Variants in DUSP2 observed in about 807,000 individuals in gnomAD.
DUSP2 encodes the protein dual specificity phosphatase 2.
Under a neutral mutation model 23.3 loss-of-function variants are expected in DUSP2, and 20 were observed. The ratio of observed to expected loss-of-function variants is 0.86; its 90% CI spans 0.60 to 1.25. The LOEUF (loss-of-function observed/expected upper bound fraction) is 1.25. Ranked by LOEUF, DUSP2 falls within the 50% of genes most tolerant of loss-of-function variation. The pLI, the probability that DUSP2 is intolerant of heterozygous loss-of-function variation, is 0.00. For synonymous variants in DUSP2, 231 were observed against 209.7 expected (o/e 1.10, Z -0.88); for missense variants, 435 against 452.6 (o/e 0.96, Z 0.35).
chr2:96,144,982 C>A lies in DUSP2; in HGVS notation c.373G>T (p.Val125Leu). The change falls in exon 1 of 4, where the codon GTG (valine) becomes TTG (leucine). Residue 125 changes from valine to leucine, a missense_variant. Transcript: ENST00000288943. ...GCTTGCTCACCTCGCAGGAAGTACA[C>A]GGCAGTGGGCCCCGCGCGGGTCTCG... The part of the protein sequence containing the change: ...LHETRAGPTA[V>L]YFLRGGFDGF... 6.5e-7 allele frequency: 1 copy of A among 1,545,092 alleles called. No individual in the cohort carries two copies. Among genetic ancestry groups the A allele is most frequent in the Non-Finnish European group, 8.7e-7 (1 of 1,150,120 alleles).
rs1250135804 is a variant in DUSP2, at chr2:96,145,375, C to T, written c.-21G>A. 1 of 1,382,342 alleles carries T rather than the reference C, an allele frequency of 7.2e-7. No individual in the cohort carries two copies. Among genetic ancestry groups the T allele is most frequent in the South Asian group, 1.7e-5 (1 of 58,714 alleles). 85.6% of individuals were successfully genotyped at this position (1,382,342 alleles called of 1,614,324 possible). ...CCCATGGCCACCGGTGCCTCTTCCT[C>T]TTCCTTTCGGTCTTTCCCGCGTCCC... On this transcript the variant is annotated 5_prime_UTR_variant, in exon 1 of 4. Coordinates refer to ENST00000288943, the MANE Select transcript of DUSP2 (RefSeq NM_004418.4).
Position 96,143,909 on chromosome 2 carries a change from C to A in DUSP2, c.859G>T (p.Val287Phe), listed in dbSNP as rs201899099. The A allele has an allele frequency of 1.9e-6, 3 of 1,613,806 alleles. No individual in the cohort carries two copies. The highest frequency in any genetic ancestry group is 2.5e-6 in the Non-Finnish European group (3 of 1,180,024). Residue 287 changes from valine to phenylalanine, a missense_variant, in exon 4 of 4, where the codon GTT becomes TTT. Val to Phe is a conservative substitution (Grantham distance 50). Transcript: ENST00000288943. ...RVRLDEAFDF[V>F]KQRRGVISPN... ...GAGATGACCCCCCGGCGCTGCTTAA[C>A]GAAGTCAAAGGCCTCGTCCAGCCGC... is the stretch of plus-strand genomic sequence containing the variant.
chr2:96,145,172 G>C lies in DUSP2; in HGVS notation c.183C>G (p.Gly61=). ...WNALLRRRAR[G]PPAAVLACLL... is the part of the protein sequence containing the mutation. The stretch of plus-strand genomic sequence containing the variant: ...GGCAGGCGAGAACGGCGGCAGGAGG[G>C]CCGCGCGCGCGGCGCCGCAGCAGCG... The change falls in exon 1 of 4, where the codon GGC becomes GGG. Residue 61 remains glycine, a synonymous_variant. Transcript: ENST00000288943. 2 of 1,292,664 alleles carry C rather than the reference G, an allele frequency of 1.5e-6. No homozygotes were observed. The highest frequency in any genetic ancestry group is 2.0e-6 in the Non-Finnish European group (2 of 1,025,418). 80.1% of individuals were successfully genotyped at this position (1,292,664 alleles called of 1,614,324 possible).
chr2:96,144,816 G>T lies in DUSP2; in HGVS notation c.455C>A (p.Pro152Gln), dbSNP rs761126265. The change falls in exon 2 of 4, where the codon CCG becomes CAG. Residue 152 changes from proline to glutamine, a missense_variant. By Grantham distance (76) the Pro-to-Gln change is moderately conservative (BLOSUM62 -1). Coordinates refer to ENST00000288943, the MANE Select transcript of DUSP2 (RefSeq NM_004418.4). Reference sequence around the variant, plus strand: ...GCGGCTGGTTTTGTCCCCTGTTGGCGGCAGCGCAGGGGCGGGGGCCTCAGA... The same window carrying T: ...GCGGCTGGTTTTGTCCCCTGTTGGCTGCAGCGCAGGGGCGGGGGCCTCAGA... ...LCSEAPAPAL[P>Q]PTGDKTSRSD... 1.9e-6 allele frequency: 3 copies of T among 1,572,550 alleles called. No individual in the cohort carries two copies. The South Asian group carries it at 3.5e-5, about 18-fold the overall frequency.
rs749118400 is a variant in DUSP2, at chr2:96,143,890, A to AC, written c.877dup (p.Val293GlyfsTer16). On this transcript the variant is annotated frameshift_variant, in exon 4 of 4. Coordinates refer to ENST00000288943, the MANE Select transcript of DUSP2 (RefSeq NM_004418.4). LOFTEE classifies it high-confidence loss of function. ...CATGAAACTGAAGTTGGGGGAGATG[A>AC]CCCCCCGGCGCTGCTTAACGAAGTC... 6 of 1,612,576 alleles carry AC rather than the reference A, an allele frequency of 3.7e-6. No individual in the cohort carries two copies. In the South Asian group the frequency reaches 4.4e-5, roughly 12 times the overall value.
In DUSP2 at chr2:96,144,266, G is replaced by T. The variant is rs757557678; in HGVS notation, c.618C>A (p.Ser206=). 4 of 1,613,840 alleles carry T rather than the reference G, an allele frequency of 2.5e-6. No individual in the cohort carries two copies. Among genetic ancestry groups the T allele is most frequent in the South Asian group, 1.1e-5 (1 of 91,096 alleles). Residue 206 remains serine, a synonymous_variant, in exon 3 of 4, where the codon TCC becomes TCA. Coordinates refer to ENST00000288943, the MANE Select transcript of DUSP2 (RefSeq NM_004418.4). ...ACGITAVLNV[S]ASCPNHFEGL... ...CCTCAAAGTGGTTGGGGCAGCTGGCGGACACGTTGAGGACGGCTGTGATGC... is the reference window on the plus strand; with the variant it reads ...CCTCAAAGTGGTTGGGGCAGCTGGCTGACACGTTGAGGACGGCTGTGATGC...
chr2:96,145,344 TC>T lies in DUSP2; in HGVS notation c.10del (p.Glu4ArgfsTer237). Reference protein sequence around the residue: MGLEAARELECAAL... With the variant: MGLXAARELECAAL... ...CGCGCACTCCAGCTCGCGCGCCGCC[TC>T]CAGCCCCATGGCCACCGGTGCCTCT... is the stretch of plus-strand genomic sequence containing the variant. On this transcript the variant is annotated frameshift_variant, in exon 1 of 4. Coordinates refer to ENST00000288943, the MANE Select transcript of DUSP2 (RefSeq NM_004418.4). LOFTEE classifies it high-confidence loss of function. 7.1e-7 allele frequency: 1 copy of T among 1,414,210 alleles called. No homozygotes were observed. Among genetic ancestry groups the T allele is most frequent in the Admixed American group, 2.8e-5 (1 of 36,236 alleles). The allele number at this position is 1,414,210 out of a possible 1,614,324, so 87.6% of individuals were successfully genotyped here.
chr2:96,145,163 G>A lies in DUSP2; in HGVS notation c.192C>T (p.Ala64=), dbSNP rs1402822456. ...CGGGCAGCAGGCAGGCGAGAACGGC[G>A]GCAGGAGGGCCGCGCGCGCGGCGCC... ...LLRRRARGPP[A]AVLACLLPDR... is the part of the protein sequence containing the mutation. Residue 64 remains alanine, a synonymous_variant, in exon 1 of 4, where the codon GCC becomes GCT. Transcript: ENST00000288943. 2 of 1,302,440 alleles carry A rather than the reference G, an allele frequency of 1.5e-6. No homozygotes were observed. Among genetic ancestry groups the A allele is most frequent in the South Asian group, 2.3e-5 (1 of 43,422 alleles). The allele number at this position is 1,302,440 out of a possible 1,614,324, so 80.7% of individuals were successfully genotyped here.
Position 96,143,440 on chromosome 2 carries a change from C to A in DUSP2, c.*383G>T, listed in dbSNP as rs1359234261. The A allele has an allele frequency of 9.6e-6, 2 of 208,960 alleles. No individual in the cohort carries two copies. Among genetic ancestry groups the A allele is most frequent in the Non-Finnish European group, 2.0e-5 (2 of 101,688 alleles). 12.9% of individuals were successfully genotyped at this position (208,960 alleles called of 1,614,324 possible). A position where few individuals can be genotyped will look rare whatever the true frequency, so the allele number is the denominator to read the frequency against. On this transcript the variant is annotated 3_prime_UTR_variant, in exon 4 of 4. Transcript: ENST00000288943. ...GGCTCCAGGCCCTGGGCAGACGAAC[C>A]CACAGACAGGGCTCCTGGTTGTCAC...
At position 96,145,345 on chromosome 2, in the gene DUSP2, C is replaced by G. The variant is rs760586152; in HGVS notation, c.10G>C (p.Glu4Gln). 5.1e-5 allele frequency: 72 copies of G among 1,415,126 alleles called. No individual in the cohort carries two copies. The highest frequency in any genetic ancestry group is 6.1e-5 in the Non-Finnish European group (66 of 1,087,468). The allele number at this position is 1,415,126 out of a possible 1,614,324, so 87.7% of individuals were successfully genotyped here. A position where few individuals can be genotyped will look rare whatever the true frequency, so the allele number is the denominator to read the frequency against. MGL[E>Q]AARELECAAL... The stretch of plus-strand genomic sequence containing the variant: ...GCGCACTCCAGCTCGCGCGCCGCCT[C>G]CAGCCCCATGGCCACCGGTGCCTCT... Residue 4 changes from glutamate to glutamine, a missense_variant, in exon 1 of 4, where the codon GAG becomes CAG. Physicochemically the swap from Glu to Gln is conservative, Grantham distance 29. Transcript: ENST00000288943.
At position 96,144,856 on chromosome 2, in the gene DUSP2, A is replaced by G. The variant is rs1360360491; in HGVS notation, c.415T>C (p.Cys139Arg). 6.4e-7 allele frequency: 1 copy of G among 1,554,322 alleles called. No homozygotes were observed. Among genetic ancestry groups the G allele is most frequent in the Non-Finnish European group, 8.7e-7 (1 of 1,149,214 alleles). Residue 139 changes from cysteine (C) to arginine (R), a missense_variant, in exon 2 of 4, where the codon TGT becomes CGT. Physicochemically the swap from Cys to Arg is radical, Grantham distance 180. Transcript: ENST00000288943. ...RGGFDGFQGC[C>R]PDLCSEAPAP... ...GGGGCCTCAGAGCACAGATCGGGACAGCAGCCCTGGAAGCCGTCGAAGCCT... is the reference window on the plus strand; with the variant it reads ...GGGGCCTCAGAGCACAGATCGGGACGGCAGCCCTGGAAGCCGTCGAAGCCT...
chr2:96,144,756 C>G lies in DUSP2; in HGVS notation c.510+5G>C. ...GAGGTTCGGGGGAGGGGGGTCAATA[C>G]TCACCTGGTCGTAGACAGGAGCCCT... On this transcript the variant is annotated splice_donor_5th_base_variant and intron_variant, in intron 2 of 3. Coordinates refer to ENST00000288943, the MANE Select transcript of DUSP2 (RefSeq NM_004418.4). The G allele has an allele frequency of 1.3e-6, 2 of 1,580,790 alleles. No individual in the cohort carries two copies. The highest frequency in any genetic ancestry group is 1.7e-6 in the Non-Finnish European group (2 of 1,164,626).
Position 96,145,223 on chromosome 2 carries a change from G to A in DUSP2, c.132C>T (p.Arg44=). 7.9e-7 allele frequency: 1 copy of A among 1,273,634 alleles called. No individual in the cohort carries two copies. 78.9% of individuals were successfully genotyped at this position (1,273,634 alleles called of 1,614,324 possible). A position where few individuals can be genotyped will look rare whatever the true frequency, so the allele number is the denominator to read the frequency against. Residue 44 remains arginine, a synonymous_variant, in exon 1 of 4, where the codon CGC becomes CGT. Coordinates refer to ENST00000288943, the MANE Select transcript of DUSP2 (RefSeq NM_004418.4). ...CGTTCCAAGGCACTGGCCGCGCGGC[G>A]CGCACGTGGCGCCGGCAGAAGGCCA... ...PFLAFCRRHV[R]AARPVPWNAL...
In DUSP2 at chr2:96,145,108, C is replaced by A. The variant is rs1221586857; in HGVS notation, c.247G>T (p.Gly83Trp). Residue 83 changes from glycine to tryptophan, a missense_variant, in exon 1 of 4, where the codon GGG (glycine) becomes TGG (tryptophan). Transcript: ENST00000288943. The stretch of plus-strand genomic sequence containing the variant: ...AGCACCACGGCCCGCGCCAGCTCCC[C>A]GCGGACCAGGCGCGTCCGCAGCGCG... ...DRALRTRLVR[G>W]ELARAVVLDE... is the part of the protein sequence containing the mutation. 4 of 1,420,082 alleles carry A rather than the reference C, an allele frequency of 2.8e-6. No homozygotes were observed. The South Asian group carries it at 6.0e-5, about 21-fold the overall frequency. The allele number at this position is 1,420,082 out of a possible 1,614,324, so 88.0% of individuals were successfully genotyped here.
chr2:96,145,081 C>G lies in DUSP2; in HGVS notation c.274G>C (p.Asp92His), dbSNP rs1003801270. The G allele has an allele frequency of 1.3e-6, 2 of 1,489,574 alleles. No homozygotes were observed. Among genetic ancestry groups the G allele is most frequent in the African/African-American group, 2.9e-5 (2 of 68,806 alleles). 92.3% of individuals were successfully genotyped at this position (1,489,574 alleles called of 1,614,324 possible). ...TCCGCCACCGAGGCACTGCCCTCGTCCAGCACCACGGCCCGCGCCAGCTCC... is the reference window on the plus strand; with the variant it reads ...TCCGCCACCGAGGCACTGCCCTCGTGCAGCACCACGGCCCGCGCCAGCTCC... ...RGELARAVVL[D>H]EGSASVAELR... is the part of the protein sequence containing the mutation. The change falls in exon 1 of 4, where the codon GAC (aspartate) becomes CAC (histidine). Residue 92 changes from aspartate (D) to histidine (H), a missense_variant. Asp to His is a moderately conservative substitution (Grantham distance 81). Transcript: ENST00000288943.
In DUSP2 at chr2:96,143,705, C is replaced by G; in HGVS notation, c.*118G>C. 5 of 1,247,380 alleles carry G rather than the reference C, an allele frequency of 4.0e-6. No homozygotes were observed. Among genetic ancestry groups the G allele is most frequent in the Non-Finnish European group, 5.5e-6 (5 of 904,378 alleles). 77.3% of individuals were successfully genotyped at this position (1,247,380 alleles called of 1,614,324 possible). A position where few individuals can be genotyped will look rare whatever the true frequency, so the allele number is the denominator to read the frequency against. On this transcript the variant is annotated 3_prime_UTR_variant, in exon 4 of 4. Transcript: ENST00000288943. ...CCCCCATGTGGGGGCTTCTGAAACTCTGAGGAGGTAGCAGCCCTGCCAGAG... is the reference window on the plus strand; with the variant it reads ...CCCCCATGTGGGGGCTTCTGAAACTGTGAGGAGGTAGCAGCCCTGCCAGAG...
intron 2 of DUSP2, 98 bp from the exon 3 acceptor site, chr2:96,144,471 G>C: frequency 2.5e-6 from 3 of 1,222,090 alleles, no homozygotes; most frequent in Non-Finnish European, 3.5e-6. Context: ...GAGACAAGAG[G>C]ACTCCTCAGC....
Position 96,144,201 on chromosome 2 carries a change from T to C in DUSP2, c.683A>G (p.Gln228Arg). The C allele has an allele frequency of 1.2e-6, 2 of 1,614,152 alleles. No individual in the cohort carries two copies. Among genetic ancestry groups the C allele is most frequent in the Non-Finnish European group, 1.7e-6 (2 of 1,180,030 alleles). The change falls in exon 3 of 4, where the codon CAG becomes CGG. Residue 228 changes from glutamine to arginine, a missense_variant. By Grantham distance (43) the Gln-to-Arg change is conservative. Coordinates refer to ENST00000288943, the MANE Select transcript of DUSP2 (RefSeq NM_004418.4). ...RYKSIPVEDN[Q>R]MVEISAWFQE... ...GAACCAGGCACTGATCTCCACCATC[T>C]GGTTGTCCTCCACAGGGATACTCTT...
rs1465209923 is a variant in DUSP2 at position 96,145,042 on chromosome 2, T to G, written c.313A>C (p.Ser105Arg). 1 of 1,529,966 alleles carries G rather than the reference T, an allele frequency of 6.5e-7. No individual in the cohort carries two copies. Among genetic ancestry groups the G allele is most frequent in the African/African-American group, 1.4e-5 (1 of 72,248 alleles). 94.8% of individuals were successfully genotyped at this position (1,529,966 alleles called of 1,614,324 possible). The change falls in exon 1 of 4, where the codon AGC becomes CGC. Residue 105 changes from serine to arginine, a missense_variant. Transcript: ENST00000288943. The part of the protein sequence containing the change: ...SASVAELRPD[S>R]PAHVLLAALL... ...GCGGCCAGCAGCACATGAGCCGGGCTGTCGGGCCGGAGCTCCGCCACCGAG... is the reference window on the plus strand; with the variant it reads ...GCGGCCAGCAGCACATGAGCCGGGCGGTCGGGCCGGAGCTCCGCCACCGAG...
Sources: allele counts gnomAD v4.1 joint callset, GRCh38; gene constraint gnomAD v4.1.1; transcripts MANE v1.5; gene names NCBI Gene and HGNC (gene_info 2026-07-23, HGNC 2026-07-21).